COL4A3: variants seen among roughly 807,000 people sequenced by gnomAD.
COL4A3 encodes the protein collagen type IV alpha 3 chain.
A neutral mutation model predicts 217.4 loss-of-function variants in COL4A3; 135 were observed. The ratio of observed to expected loss-of-function variants is 0.62; its 90% confidence interval spans 0.54 to 0.72. COL4A3 has a LOEUF of 0.72. Ranked by LOEUF, COL4A3 falls within the 30% of genes least tolerant of loss-of-function variation. The pLI, the probability that COL4A3 is intolerant of heterozygous loss-of-function variation, is 0.00. For missense variants in COL4A3, 1,868 were observed against 2,119.9 expected, an observed-to-expected ratio of 0.88 and a Z score of 2.33; for synonymous variants, 690 against 736.3, an observed-to-expected ratio of 0.94 and a Z score of 1.02.
intron 1 of COL4A3, among the ~76,000 whole-genome samples, chr2:227,171,553 G>C (rs1041277893): frequency 1.3e-5 from 2 of 152,172 alleles, no homozygotes; most frequent in African/African-American, 4.8e-5. Context: ...GTCTGTCTTA[G>C]TCTGCTTGGG....
intron 4 of COL4A3, 44 bp downstream of exon 4, chr2:227,244,408 T>G: frequency 6.4e-7 from 1 of 1,557,548 alleles, no homozygotes; most frequent in Non-Finnish European, 8.9e-7. Flanking sequence ...AAAGATCAGC[T>G]TTTCACAGTA....
intron 1 of COL4A3, among the ~76,000 whole-genome samples, chr2:227,187,054 TCTC>T (rs1195438105): frequency 6.6e-6 from 1 of 152,190 alleles, no homozygotes; most frequent in African/African-American, 2.4e-5. Flanking sequence ...TTGATGGTGT[TCTC>T]CTCACTCATT....
chr2:227,169,104 T>C (rs1178495005), intron 1 of COL4A3: 172 of 145,854 alleles, frequency 1.2e-3, no homozygotes, highest in African/African-American at 4.2e-3. Flanking sequence ...TGTGTTCTCA[T>C]TGTTCAGTTC....
At chr2:227,252,634 G>A (rs537312422) in intron 11 of COL4A3, among the ~76,000 whole-genome samples, 9 of 150,214 alleles carry the variant, frequency 6.0e-5, no homozygotes, top group Admixed American at 2.7e-4. Context: ...ATGCATGCAC[G>A]CACCCTGAGA....
chr2:227,265,489 C>G (rs1559880342), intron 21 of COL4A3: 1 of 152,156 alleles, frequency 6.6e-6, no homozygotes, highest in Non-Finnish European at 1.5e-5. Context: ...CACAATTAAC[C>G]AGTTTAAGAG....
chr2:227,261,159 C>T (rs922907048), intron 20 of COL4A3, 42 bp downstream of exon 20: 2 of 1,526,862 alleles, frequency 1.3e-6, no homozygotes, highest in Non-Finnish European at 9.1e-7. Flanking sequence ...AATGCTATTA[C>T]AAAGGAAAAT....
intron 1 of COL4A3, chr2:227,169,086 T>C (rs202141730): frequency 2.3e-5 from 3 of 132,194 alleles, no homozygotes; most frequent in Admixed American, 8.8e-5. Context: ...TTCCCCTTCC[T>C]GTGTCCATGT....
chr2:227,289,728 G>A (rs1468409155), intron 35 of COL4A3, among the ~76,000 whole-genome samples: 2 of 152,112 alleles, frequency 1.3e-5, no homozygotes, highest in African/African-American at 4.8e-5. Flanking sequence ...ATGTTTGCAG[G>A]AGCCCACTTT....
chr2:227,236,990 C>T (rs1302603072), intron 1 of COL4A3, among the ~76,000 whole-genome samples: 3 of 152,144 alleles, frequency 2.0e-5, no homozygotes, highest in Non-Finnish European at 2.9e-5. Context: ...TTATTTGAAA[C>T]TATTTCTTTA....
intron 21 of COL4A3, chr2:227,265,514 TGCAACATTACAGTA>T (rs2125978262): frequency 6.6e-6 from 1 of 152,380 alleles, no homozygotes; most frequent in African/African-American, 2.4e-5. Flanking sequence ...AGCTGTTCAT[TGCAACATTACAGTA>T]GCAGATAATG....
chr2:227,285,255 C>A (rs2072241103), intron 34 of COL4A3, among the ~76,000 whole-genome samples: 1 of 124,052 alleles, frequency 8.1e-6, no homozygotes, highest in Non-Finnish European at 1.6e-5. Context: ...ATGTAACAAA[C>A]CTTCACATGT....
intron 51 of COL4A3, among the ~76,000 whole-genome samples, chr2:227,311,370 A>C (rs987714285): frequency 3.3e-5 from 4 of 122,848 alleles, no homozygotes; most frequent in African/African-American, 1.3e-4. Context: ...TAATATAATA[A>C]ATTTCTCTCC....
At position 227,247,678 on chromosome 2, in the gene COL4A3, A is replaced by G. The variant is rs1397852057; in HGVS notation, c.468+94A>G. 4 of 1,236,892 alleles carry G rather than the reference A, an allele frequency of 3.2e-6. No individual in the cohort carries two copies. The African/African-American group carries it at 5.9e-5, about 18-fold the overall frequency. 76.6% of individuals were successfully genotyped at this position (1,236,892 alleles called of 1,614,324 possible). A position where few individuals can be genotyped will look rare whatever the true frequency, so the allele number is the denominator to read the frequency against. ...TAATGAGACTTAAGTCATTACAAATAAGATTTCATAATCCAGACCTTAATC... is the reference window on the plus strand; with the variant it reads ...TAATGAGACTTAAGTCATTACAAATGAGATTTCATAATCCAGACCTTAATC... On this transcript the variant is annotated intron_variant, in intron 8 of 51. Coordinates refer to ENST00000396578, the MANE Select transcript of COL4A3 (RefSeq NM_000091.5).
intron 41 of COL4A3, among the ~76,000 whole-genome samples, chr2:227,295,654 G>C (rs2072997041): frequency 1.3e-5 from 2 of 152,148 alleles, no homozygotes; most frequent in South Asian, 4.1e-4. Context: ...TTCTCAGTAA[G>C]CATCTGTCCC....
chr2:227,277,187 C>T (rs2071620373), intron 27 of COL4A3, among the ~76,000 whole-genome samples: 6 of 151,858 alleles, frequency 4.0e-5, no homozygotes, highest in Admixed American at 6.6e-5. Context: ...GGCGTGGTGG[C>T]GGGCACCTGT....
chr2:227,232,823 C>A (rs2125865127), intron 1 of COL4A3, among the ~76,000 whole-genome samples: 1 of 151,996 alleles, frequency 6.6e-6, no homozygotes, highest in South Asian at 2.1e-4. Context: ...AATATGAATG[C>A]ATAAAAAGAC....
chr2:227,247,124 A>G (rs969790803), intron 7 of COL4A3, among the ~76,000 whole-genome samples: 3 of 152,220 alleles, frequency 2.0e-5, no homozygotes, highest in Admixed American at 2.0e-4. Flanking sequence ...TGGTGGGAGA[A>G]AGAAAACCAG....
chr2:227,219,281 G>A (rs895051742), intron 1 of COL4A3, among the ~76,000 whole-genome samples: 5 of 152,080 alleles, frequency 3.3e-5, no homozygotes, highest in Admixed American at 6.6e-5. Context: ...GATTACAGGC[G>A]TGAGCCACCA....
intron 30 of COL4A3, 42 bp downstream of exon 30, chr2:227,280,632 T>G: frequency 6.2e-7 from 1 of 1,606,498 alleles, no homozygotes; most frequent in Non-Finnish European, 8.5e-7. Context: ...CTGTGAGCTC[T>G]GCTAAAATGC....
Sources: allele counts gnomAD v4.1 joint callset (sites outside exome capture counted in the v4.1 genomes callset), GRCh38; gene constraint gnomAD v4.1.1; transcripts MANE v1.5; gene names NCBI Gene and HGNC (gene_info 2026-07-23, HGNC 2026-07-21).